SKIC3: variants seen among roughly 807,000 people sequenced by gnomAD.
SKIC3 encodes the protein SKI3 subunit of superkiller complex.
chr5:95,477,247 C>A, the SKIC3 span, among the ~76,000 whole-genome samples: 1 of 152,076 alleles, frequency 6.6e-6, no homozygotes, highest in Non-Finnish European at 1.5e-5. Flanking sequence ...TTATAGAGAA[C>A]CCCCTATGCA....
chr5:95,510,047 A>G, the SKIC3 span, among the ~76,000 whole-genome samples: 2 of 152,226 alleles, frequency 1.3e-5, no homozygotes, highest in Non-Finnish European at 2.9e-5. Context: ...AAATTTAGCA[A>G]TAATTTCTCT....
At chr5:95,528,901 T>C in the SKIC3 span, 203 of 932,454 alleles carry the variant, frequency 2.2e-4, no homozygotes, top group African/African-American at 3.2e-3. Flanking sequence ...ATACAAAATA[T>C]AGCATTTTGG....
the SKIC3 span, chr5:95,515,036 C>T: frequency 4.8e-6 from 5 of 1,037,190 alleles, no homozygotes; most frequent in Non-Finnish European, 7.2e-6. Flanking sequence ...TATGTATGAA[C>T]ATAAAATTTC....
the SKIC3 span, chr5:95,482,651 G>A: frequency 3.1e-6 from 5 of 1,613,314 alleles, no homozygotes; most frequent in Admixed American, 3.3e-5. Flanking sequence ...AAATCCCAAA[G>A]AGGAACACAT....
chr5:95,524,504 T>C, the SKIC3 span: 1 of 1,613,706 alleles, frequency 6.2e-7, no homozygotes, highest in African/African-American at 1.3e-5. Context: ...TATCTTTTCT[T>C]GTCTCTTCAC....
At chr5:95,528,868 G>A in the SKIC3 span, 1 of 755,238 alleles carries the variant, frequency 1.3e-6, no homozygotes, top group Non-Finnish European at 2.2e-6. Context: ...TAAACTTATT[G>A]AAATTAAAAT....
At chr5:95,546,364 CAAAG>C in the SKIC3 span, among the ~76,000 whole-genome samples, 2 of 135,196 alleles carry the variant, frequency 1.5e-5, no homozygotes, top group Non-Finnish European at 1.6e-5. Context: ...AAAAAAAAAA[CAAAG>C]AAAGAAACTA....
the SKIC3 span, among the ~76,000 whole-genome samples, chr5:95,505,799 C>T: frequency 1.7e-4 from 25 of 149,312 alleles, no homozygotes; most frequent in Non-Finnish European, 2.5e-4. Flanking sequence ...GGCAACAGCG[C>T]GAGACTCTGT....
chr5:95,523,239 A>G, the SKIC3 span: 2 of 1,613,932 alleles, frequency 1.2e-6, no homozygotes, highest in South Asian at 2.2e-5. Context: ...GCTTTCAAAT[A>G]GTATAGTCCT....
At chr5:95,522,099 G>T in the SKIC3 span, 29 of 1,613,698 alleles carry the variant, frequency 1.8e-5, no homozygotes, top group Admixed American at 3.3e-5. Context: ...ATGATCATCT[G>T]GTATTGAGCT....
At chr5:95,473,048 G>T in the SKIC3 span, among the ~76,000 whole-genome samples, 11 of 152,046 alleles carry the variant, frequency 7.2e-5, no homozygotes, top group Non-Finnish European at 1.6e-4. Context: ...TCTGCATTGT[G>T]AATAGTGCGG....
the SKIC3 span, among the ~76,000 whole-genome samples, chr5:95,488,553 C>T: frequency 1.3e-5 from 2 of 152,138 alleles, no homozygotes; most frequent in Non-Finnish European, 2.9e-5. Context: ...AAGAAAAAAA[C>T]TGTCAGCCAA....
chr5:95,522,079 T>A, the SKIC3 span: 2 of 1,613,574 alleles, frequency 1.2e-6, no homozygotes, highest in African/African-American at 2.7e-5. Flanking sequence ...CATAATCTTC[T>A]TTCTTTTTAA....
chr5:95,486,757 A>G, the SKIC3 span, among the ~76,000 whole-genome samples: 1 of 152,200 alleles, frequency 6.6e-6, no homozygotes, highest in South Asian at 2.1e-4. Context: ...TACATGTATC[A>G]CATTGTTGGC....
chr5:95,484,572 C>T, the SKIC3 span: 26 of 1,061,578 alleles, frequency 2.4e-5, no homozygotes, highest in East Asian at 2.6e-5. Context: ...GTCTCAAACT[C>T]GTGGCCTCAA....
the SKIC3 span, chr5:95,490,765 T>C: frequency 1.9e-6 from 2 of 1,046,996 alleles, no homozygotes; most frequent in Non-Finnish European, 2.8e-6. Flanking sequence ...CCCAAAGTGC[T>C]GGGATTACAG....
the SKIC3 span, among the ~76,000 whole-genome samples, chr5:95,509,922 A>C: frequency 6.6e-6 from 1 of 152,152 alleles, no homozygotes; most frequent in African/African-American, 2.4e-5. Flanking sequence ...TTAGAATTTA[A>C]ACATTTTATG....
At chr5:95,523,849 T>C in the SKIC3 span, 4 of 1,610,766 alleles carry the variant, frequency 2.5e-6, no homozygotes, top group South Asian at 3.3e-5. Context: ...GAAATAAATA[T>C]TGATAATAAC....
chr5:95,469,213 T>C, the SKIC3 span, among the ~76,000 whole-genome samples: 1 of 152,228 alleles, frequency 6.6e-6, no homozygotes, highest in East Asian at 1.9e-4. Context: ...TTTACCCATA[T>C]GATCTTTAAG....
Sources: allele counts gnomAD v4.1 joint callset (sites outside exome capture counted in the v4.1 genomes callset), GRCh38; gene constraint gnomAD v4.1.1; transcripts MANE v1.5; gene names NCBI Gene and HGNC (gene_info 2026-07-23, HGNC 2026-07-21).